Variants in HLCS observed in about 807,000 individuals in gnomAD.
HLCS encodes biotin--protein ligase.
Under a neutral mutation model 75.0 loss-of-function variants are expected in HLCS, and 53 were observed. That is an observed-to-expected ratio of 0.71 (90% CI 0.57 to 0.89). The LOEUF (loss-of-function observed/expected upper bound fraction) is 0.89, where lower values mean the gene tolerates loss of function less well. HLCS is among the 40% of genes least tolerant of loss of function. HLCS has a pLI of 0.00. For missense variants in HLCS, 966 were observed against 1,074.0 expected, an observed-to-expected ratio of 0.90 and a Z score of 1.41; for synonymous variants, 431 against 428.6, an observed-to-expected ratio of 1.01 and a Z score of -0.07.
chr21:36,783,454 A>G (rs2060592592), intron 6 of HLCS, among the ~76,000 whole-genome samples: 1 of 152,212 alleles, frequency 6.6e-6, no homozygotes, highest in Non-Finnish European at 1.5e-5. Context: ...GGTTCCTTCA[A>G]TGATTGAAAT....
rs1466415705 is a variant in HLCS, at chr21:36,748,855, G to A, written c.*5391C>T. 1 of 152,540 alleles carries A rather than the reference G, an allele frequency of 6.6e-6. No individual in the cohort carries two copies. Among genetic ancestry groups the A allele is most frequent in the African/African-American group, 2.4e-5 (1 of 41,412 alleles). The allele number at this position is 152,540 out of a possible 1,614,324, so 9.4% of individuals were successfully genotyped here. A position where few individuals can be genotyped will look rare whatever the true frequency, so the allele number is the denominator to read the frequency against. On this transcript the variant is annotated 3_prime_UTR_variant, in exon 11 of 11. Coordinates refer to ENST00000674895, the MANE Select transcript of HLCS (RefSeq NM_001352514.2). Reference sequence around the variant, plus strand: ...CATTAAATGCAAAAATATATATGTAGCCAGACAGTTTATGAGAATGACCCT... The same window carrying A: ...CATTAAATGCAAAAATATATATGTAACCAGACAGTTTATGAGAATGACCCT...
chr21:36,778,061 C>T (rs1016536943), intron 6 of HLCS, among the ~76,000 whole-genome samples: 11 of 151,980 alleles, frequency 7.2e-5, no homozygotes, highest in African/African-American at 1.9e-4. Flanking sequence ...CTCCACCTCC[C>T]GGGTTCACAC....
chr21:36,867,730 C>T (rs530726715), intron 6 of HLCS, among the ~76,000 whole-genome samples: 1 of 152,328 alleles, frequency 6.6e-6, no homozygotes, highest in South Asian at 2.1e-4. Context: ...ACATACACTA[C>T]TTATTATGTT....
intron 1 of HLCS, among the ~76,000 whole-genome samples, chr21:36,976,409 C>T (rs149761184): frequency 1.2e-3 from 140 of 115,072 alleles, no homozygotes; most frequent in Non-Finnish European, 1.4e-3. Context: ...CACACACACA[C>T]GCATACACAC....
At chr21:36,841,940 TGAC>T (rs2062630209) in intron 6 of HLCS, among the ~76,000 whole-genome samples, 2 of 152,192 alleles carry the variant, frequency 1.3e-5, no homozygotes, top group African/African-American at 4.8e-5. Context: ...CCACTAAGGC[TGAC>T]ATATGCATAC....
chr21:36,984,064 C>T (rs1231362370), intron 1 of HLCS, among the ~76,000 whole-genome samples: 1 of 152,088 alleles, frequency 6.6e-6, no homozygotes, highest in Non-Finnish European at 1.5e-5. Flanking sequence ...GTCTCGAACT[C>T]CTGGCCTCAA....
At chr21:36,954,281 G>A (rs1050049360) in intron 2 of HLCS, among the ~76,000 whole-genome samples, 11 of 151,190 alleles carry the variant, frequency 7.3e-5, no homozygotes, top group Admixed American at 1.3e-4. Context: ...CCAGCCTGGC[G>A]ACAGAGCGAG....
At chr21:36,774,368 A>G (rs995763727) in intron 6 of HLCS, among the ~76,000 whole-genome samples, 3 of 152,296 alleles carry the variant, frequency 2.0e-5, no homozygotes, top group Middle Eastern at 3.4e-3. Flanking sequence ...CCCAGTGTTG[A>G]TATGAACATG....
intron 6 of HLCS, among the ~76,000 whole-genome samples, chr21:36,881,776 C>T (rs1012299010): frequency 6.6e-6 from 1 of 152,206 alleles, no homozygotes; most frequent in African/African-American, 2.4e-5. Flanking sequence ...TGTCCATACC[C>T]TGAGGAACCT....
At chr21:36,830,003 C>T (rs989560782) in intron 6 of HLCS, among the ~76,000 whole-genome samples, 7 of 152,180 alleles carry the variant, frequency 4.6e-5, no homozygotes, top group African/African-American at 1.7e-4. Flanking sequence ...TATTTAGAGA[C>T]AGGGTCTTTC....
chr21:36,817,953 G>A (rs1358874574), intron 6 of HLCS, among the ~76,000 whole-genome samples: 2 of 152,246 alleles, frequency 1.3e-5, no homozygotes, highest in Non-Finnish European at 2.9e-5. Context: ...TCTGGGAACT[G>A]AAATGAGCTG....
At chr21:36,867,978 C>T (rs1185294784) in intron 6 of HLCS, among the ~76,000 whole-genome samples, 1 of 151,842 alleles carries the variant, frequency 6.6e-6, no homozygotes, top group African/African-American at 2.4e-5. Flanking sequence ...ATGGTGAAAC[C>T]CCATCTCTAC....
At chr21:36,850,486 C>A (rs540326247) in intron 6 of HLCS, among the ~76,000 whole-genome samples, 1 of 152,160 alleles carries the variant, frequency 6.6e-6, no homozygotes, top group Non-Finnish European at 1.5e-5. Flanking sequence ...CACCCCCAAG[C>A]CCCAAGCTCC....
chr21:36,753,164 A>G lies in HLCS; in HGVS notation c.*1082T>C, dbSNP rs2089432761. 1 of 152,656 alleles carries G rather than the reference A, an allele frequency of 6.6e-6. No individual in the cohort carries two copies. Among genetic ancestry groups the G allele is most frequent in the African/African-American group, 2.4e-5 (1 of 41,456 alleles). The allele number at this position is 152,656 out of a possible 1,614,324, so 9.5% of individuals were successfully genotyped here. On this transcript the variant is annotated 3_prime_UTR_variant, in exon 11 of 11. Transcript: ENST00000674895. The surrounding 1 kb of genome is among the most constrained non-coding windows in gnomAD (Gnocchi z 4.3). ...AAGCTATGTGCGCACACACGCACGC[A>G]CACACATATGCGGGCACACACACAC... is the stretch of plus-strand genomic sequence containing the variant.
chr21:36,751,935 C>G lies in HLCS; in HGVS notation c.*2311G>C, dbSNP rs1443349907. The G allele has an allele frequency of 6.6e-6, 1 of 152,298 alleles. No individual in the cohort carries two copies. Among genetic ancestry groups the G allele is most frequent in the Non-Finnish European group, 1.5e-5 (1 of 68,042 alleles). 9.4% of individuals were successfully genotyped at this position (152,298 alleles called of 1,614,324 possible). On this transcript the variant is annotated 3_prime_UTR_variant, in exon 11 of 11. Coordinates refer to ENST00000674895, the MANE Select transcript of HLCS (RefSeq NM_001352514.2). ...ATTTTAAAGATCATCAGGAAAATGCCAAGTTCCCATTAAGACTTTAAAGCT... is the reference window on the plus strand; with the variant it reads ...ATTTTAAAGATCATCAGGAAAATGCGAAGTTCCCATTAAGACTTTAAAGCT...
At chr21:36,766,052 A>AT (rs1959361270) in intron 7 of HLCS, among the ~76,000 whole-genome samples, 1 of 151,898 alleles carries the variant, frequency 6.6e-6, no homozygotes, top group African/African-American at 2.4e-5. Flanking sequence ...CTTCCTTTTT[A>AT]TTTTTGAGAC....
chr21:36,777,295 C>G (rs2060389015), intron 6 of HLCS, among the ~76,000 whole-genome samples: 1 of 152,222 alleles, frequency 6.6e-6, no homozygotes, highest in South Asian at 2.1e-4. Flanking sequence ...GGTATTTTTA[C>G]TCTCTCTATA....
At chr21:36,890,111 G>C (rs2064712808) in intron 6 of HLCS, among the ~76,000 whole-genome samples, 1 of 152,166 alleles carries the variant, frequency 6.6e-6, no homozygotes, top group Non-Finnish European at 1.5e-5. Context: ...TGAAGAAGGT[G>C]CCTTGCTTCC....
At chr21:36,872,378 G>A (rs1481258633) in intron 6 of HLCS, among the ~76,000 whole-genome samples, 22 of 147,800 alleles carry the variant, frequency 1.5e-4, no homozygotes, top group South Asian at 4.2e-4. Context: ...GTGACAGAGC[G>A]AGCCTCTGTC....
Sources: allele counts gnomAD v4.1 joint callset (sites outside exome capture counted in the v4.1 genomes callset), GRCh38; gene constraint gnomAD v4.1.1; non-coding constraint Gnocchi (gnomAD v3.1); transcripts MANE v1.5; gene names NCBI Gene and HGNC (gene_info 2026-07-23, HGNC 2026-07-21).